The following UBE3D variants were observed in gnomAD, a reference collection of about 807,000 sequenced individuals.
UBE3D encodes E3 ubiquitin-protein ligase E3D.
UBE3D carries 48 observed loss-of-function variants against 49.6 expected under a neutral mutation model. That is an observed-to-expected ratio of 0.97 (90% CI 0.77 to 1.23). The LOEUF is 1.23. UBE3D is among the 50% of genes most tolerant of loss of function. The pLI, the probability that UBE3D is intolerant of heterozygous loss-of-function variation, is 0.00. For synonymous variants in UBE3D, 189 were observed against 174.2 expected (o/e 1.08, Z -0.67); for missense variants, 452 against 468.4 (o/e 0.96, Z 0.32).
At chr6:82,894,958 C>T (rs898007032) in intron 9 of UBE3D, among the ~76,000 whole-genome samples, 4 of 152,152 alleles carry the variant, frequency 2.6e-5, no homozygotes, top group Non-Finnish European at 4.4e-5. Flanking sequence ...TATGTCATGG[C>T]ATATTCCAAC....
chr6:82,881,433 C>T, the UBE3D span, among the ~76,000 whole-genome samples: 1 of 152,208 alleles, frequency 6.6e-6, no homozygotes, highest in Non-Finnish European at 1.5e-5. Flanking sequence ...AGGGGCTGTA[C>T]CTTGATTCCA....
chr6:82,928,951 A>G (rs188378), intron 9 of UBE3D, among the ~76,000 whole-genome samples: 101,970 of 152,016 alleles, frequency 0.67, 34,690 homozygotes, highest in East Asian at 0.79. Flanking sequence ...CACCTTAATC[A>G]ATTATTCTGC....
chr6:82,943,897 C>T (rs1775206199), intron 9 of UBE3D, among the ~76,000 whole-genome samples: 1 of 152,124 alleles, frequency 6.6e-6, no homozygotes, highest in Non-Finnish European at 1.5e-5. Flanking sequence ...AAGTGGAACT[C>T]AGCCGATGCC....
chr6:83,042,977 A>T (rs549118026), intron 4 of UBE3D, among the ~76,000 whole-genome samples: 1 of 152,372 alleles, frequency 6.6e-6, no homozygotes, highest in Admixed American at 6.5e-5. Context: ...CATCTAGGCT[A>T]ACTTGAAGAA....
At chr6:82,959,991 G>T (rs1582471562) in intron 8 of UBE3D, among the ~76,000 whole-genome samples, 1 of 152,136 alleles carries the variant, frequency 6.6e-6, no homozygotes, top group Non-Finnish European at 1.5e-5. Context: ...GAAAAGAGTT[G>T]TTCCTCCTTG....
chr6:82,888,373 C>G (rs1383594408), downstream of UBE3D, among the ~76,000 whole-genome samples: 2 of 150,364 alleles, frequency 1.3e-5, no homozygotes, highest in Admixed American at 1.3e-4. Context: ...CAAATTATGA[C>G]AATAAAAATC....
intron 9 of UBE3D, among the ~76,000 whole-genome samples, chr6:82,901,800 C>T (rs769565316): frequency 2.0e-5 from 3 of 152,178 alleles, no homozygotes; most frequent in Non-Finnish European, 4.4e-5. Flanking sequence ...TATATCCAGT[C>T]CTATTTCCCA....
Position 82,908,843 on chromosome 6 carries a change from A to G in UBE3D, c.1150-15801T>C, listed in dbSNP as rs1406428220. The stretch of plus-strand genomic sequence containing the variant: ...GAAACTTCCTGAAGGCCTCAGGGAG[A>G]TATTTATACAGCCAGGGCACAGAGA... On this transcript the variant is annotated intron_variant, in intron 9 of 9. Transcript: ENST00000369747. Among the ~76,000 whole-genome samples the G allele has an allele frequency of 3.9e-5, 6 of 152,142 alleles. No homozygotes were observed. In the East Asian group the frequency reaches 9.7e-4, roughly 24 times the overall value.
intron 1 of UBE3D, among the ~76,000 whole-genome samples, chr6:83,064,354 G>A (rs190916141): frequency 6.6e-6 from 1 of 152,094 alleles, no homozygotes; most frequent in Admixed American, 6.5e-5. Context: ...CTCCTGAGTA[G>A]CTGGGACTGA....
intron 8 of UBE3D, among the ~76,000 whole-genome samples, chr6:82,998,750 A>C (rs576940999): frequency 6.6e-6 from 1 of 152,296 alleles, no homozygotes; most frequent in East Asian, 1.9e-4. Context: ...CCAACTCTTA[A>C]GTCATTAAAA....
downstream of UBE3D, among the ~76,000 whole-genome samples, chr6:82,891,666 C>A (rs1289655734): frequency 6.6e-6 from 1 of 152,148 alleles, no homozygotes; most frequent in Non-Finnish European, 1.5e-5. Context: ...GTTTTGGTTG[C>A]ACTACCAGGA....
rs1411324220 is a variant in UBE3D, at chr6:82,956,286, T to C, written c.1149+1026A>G. Among the ~76,000 whole-genome samples the C allele has an allele frequency of 7.2e-5, 11 of 152,334 alleles. No individual in the cohort carries two copies. In the South Asian group the frequency reaches 2.1e-3, roughly 29 times the overall value. On this transcript the variant is annotated intron_variant, in intron 9 of 9. Transcript: ENST00000369747. Reference sequence around the variant, plus strand: ...GCATCCGAGGGCTCGTATTTTCCCATTGTCAAGAGTCGCAGATATGTGCAA... The same window carrying C: ...GCATCCGAGGGCTCGTATTTTCCCACTGTCAAGAGTCGCAGATATGTGCAA...
chr6:83,061,034 C>T (rs552172310), intron 1 of UBE3D, among the ~76,000 whole-genome samples: 36 of 152,272 alleles, frequency 2.4e-4, no homozygotes, highest in Non-Finnish European at 4.6e-4. Context: ...CACTATCTTA[C>T]TTTAAGTGCT....
At chr6:82,974,813 ACAT>A (rs1009543377) in intron 8 of UBE3D, among the ~76,000 whole-genome samples, 2 of 152,076 alleles carry the variant, frequency 1.3e-5, no homozygotes, top group Admixed American at 1.3e-4. Context: ...TCTTTTAAAA[ACAT>A]CATATTGTGA....
At chr6:82,926,599 TTG>T (rs1773767895) in intron 9 of UBE3D, among the ~76,000 whole-genome samples, 1 of 152,170 alleles carries the variant, frequency 6.6e-6, no homozygotes, top group East Asian at 1.9e-4. Flanking sequence ...GCATTTGGTG[TTG>T]TCAGTGTTCT....
chr6:82,890,962 A>C (rs1372139189), downstream of UBE3D, among the ~76,000 whole-genome samples: 2 of 152,164 alleles, frequency 1.3e-5, no homozygotes, highest in African/African-American at 4.8e-5. Context: ...TGCTTCATCT[A>C]ATTTATTCCA....
Position 83,044,623 on chromosome 6 carries a change from G to C in UBE3D, c.402C>G (p.Asn134Lys). ...ACCATTCTCCAACTAGAGCTCCCCA[G>C]TTCTCACTCGGCAGTGGGAGCACCC... is the stretch of plus-strand genomic sequence containing the variant. ...LLRVLPLPSE[N>K]WGALVGEWCC... Residue 134 changes from asparagine (N) to lysine (K), a missense_variant, in exon 4 of 10, where the codon AAC (asparagine) becomes AAG (lysine). Asn to Lys is a moderately conservative substitution (Grantham distance 94). Transcript: ENST00000369747. 1 of 1,614,112 alleles carries C rather than the reference G, an allele frequency of 6.2e-7. No homozygotes were observed. The highest frequency in any genetic ancestry group is 1.6e-4 in the Middle Eastern group (1 of 6,062).
chr6:83,019,885 G>A (rs948742645), intron 7 of UBE3D, among the ~76,000 whole-genome samples: 1 of 152,156 alleles, frequency 6.6e-6, no homozygotes, highest in Non-Finnish European at 1.5e-5. Flanking sequence ...ACCAAGAAGG[G>A]GTGAGTCAGG....
downstream of UBE3D, among the ~76,000 whole-genome samples, chr6:82,887,763 C>T (rs1273090363): frequency 6.6e-6 from 1 of 151,892 alleles, no homozygotes; most frequent in Non-Finnish European, 1.5e-5. Flanking sequence ...TTTCTGAGTC[C>T]AATATGTACT....
Sources: allele counts gnomAD v4.1 joint callset (sites outside exome capture counted in the v4.1 genomes callset), GRCh38; gene constraint gnomAD v4.1.1; transcripts MANE v1.5; gene names NCBI Gene and HGNC (gene_info 2026-07-23, HGNC 2026-07-21).